The following SUSD4 variants were observed in gnomAD, a reference collection of about 807,000 sequenced individuals.
SUSD4 encodes the protein sushi domain-containing protein 4.
Under a neutral mutation model 50.5 loss-of-function variants are expected in SUSD4, and 41 were observed. The ratio of observed to expected loss-of-function variants is 0.81; its 90% confidence interval spans 0.63 to 1.05. The LOEUF is 1.05. Ranked by LOEUF, SUSD4 falls within the 50% of genes least tolerant of loss-of-function variation. The pLI, the probability that SUSD4 is intolerant of heterozygous loss-of-function variation, is 0.00. For missense variants in SUSD4, 580 were observed against 634.7 expected (o/e 0.91, Z 0.93); for synonymous variants, 257 against 257.3 (o/e 1.00, Z 0.01).
Position 223,222,133 on chromosome 1 carries a change from C to T in SUSD4, c.*59G>A. The T allele has an allele frequency of 6.3e-7, 1 of 1,584,796 alleles. No individual in the cohort carries two copies. The highest frequency in any genetic ancestry group is 8.6e-7 in the Non-Finnish European group (1 of 1,161,448). On this transcript the variant is annotated 3_prime_UTR_variant, in exon 9 of 9. Transcript: ENST00000366878. ...GGCTCTATCCTTCTGTGACCTCACT[C>T]CAAGATACAAGGTCCTTTCCCCGAA...
intron 5 of SUSD4, 26 bp downstream of exon 5, chr1:223,264,604 A>G (rs1458040985): frequency 1.9e-6 from 3 of 1,611,458 alleles, no homozygotes; most frequent in Non-Finnish European, 2.5e-6. Flanking sequence ...ACAAAATACA[A>G]CTTCCGAAAG....
At chr1:223,289,421 G>A (rs1664342031) in intron 3 of SUSD4, 1 of 484,204 alleles carries the variant, frequency 2.1e-6, no homozygotes. Flanking sequence ...CATGTGAAAA[G>A]GGGGAATGGC....
intron 6 of SUSD4, among the ~76,000 whole-genome samples, chr1:223,228,209 C>T (rs1165729127): frequency 3.9e-5 from 6 of 152,214 alleles, no homozygotes; most frequent in Non-Finnish European, 2.9e-5. Context: ...TCATGCCCTA[C>T]CACCTCTAGC....
In SUSD4 at chr1:223,363,720, T is replaced by C. The variant is rs932375283; in HGVS notation, c.-35-260A>G. 4.2e-5 allele frequency: 14 copies of C among 331,118 alleles called. No homozygotes were observed. In the Admixed American group the frequency reaches 5.8e-4, roughly 14 times the overall value. The allele number at this position is 331,118 out of a possible 1,614,324, so 20.5% of individuals were successfully genotyped here. A position where few individuals can be genotyped will look rare whatever the true frequency, so the allele number is the denominator to read the frequency against. ...AGGGAGGGCAGGGGTTAGCGCACAT[T>C]GGCTCCGCGCCGGTCCCCGGGATTC... is the stretch of plus-strand genomic sequence containing the variant. On this transcript the variant is annotated intron_variant, in intron 1 of 8. Transcript: ENST00000366878.
At chr1:223,358,821 G>A (rs1201824241) in intron 2 of SUSD4, 2 of 221,908 alleles carry the variant, frequency 9.0e-6, no homozygotes, top group Non-Finnish European at 1.9e-5. Context: ...AGAGTTAGAG[G>A]AGCTGGGACT....
chr1:223,258,348 C>G (rs1179156354), intron 5 of SUSD4, among the ~76,000 whole-genome samples: 2 of 152,176 alleles, frequency 1.3e-5, no homozygotes, highest in Non-Finnish European at 2.9e-5. Context: ...AAACAAGGTT[C>G]TTCAGTTTCT....
Position 223,227,989 on chromosome 1 carries a change from G to C in SUSD4, c.917-251C>G, listed in dbSNP as rs1380105819. ...TGCAGACCTGCATGCTCACATTCCA[G>C]TCCCAGGCGCAGGCCTGGCACAGGC... On this transcript the variant is annotated intron_variant, in intron 6 of 8. Transcript: ENST00000366878. This position sits in a 1 kb window ranked among gnomAD's most constrained non-coding sequence, Gnocchi z 4.5. Among the ~76,000 whole-genome samples the C allele has an allele frequency of 6.6e-6, 1 of 152,198 alleles. No individual in the cohort carries two copies. Among genetic ancestry groups the C allele is most frequent in the Non-Finnish European group, 1.5e-5 (1 of 68,034 alleles).
At chr1:223,247,270 G>C (rs1376842472) in intron 5 of SUSD4, among the ~76,000 whole-genome samples, 1 of 152,160 alleles carries the variant, frequency 6.6e-6, no homozygotes, top group Admixed American at 6.5e-5. Flanking sequence ...CTAGCCAATG[G>C]AATATGAAGA....
chr1:223,333,552 A>C (rs926391302), intron 2 of SUSD4, among the ~76,000 whole-genome samples: 2 of 152,216 alleles, frequency 1.3e-5, no homozygotes, highest in African/African-American at 2.4e-5. Context: ...AACAACACAA[A>C]AAGTAGGAGA....
chr1:223,242,741 G>A (rs995896911), intron 5 of SUSD4, among the ~76,000 whole-genome samples: 4 of 152,242 alleles, frequency 2.6e-5, no homozygotes, highest in Non-Finnish European at 4.4e-5. Context: ...GAGCTGTTGT[G>A]AGGGCTGTAT....
intron 5 of SUSD4, among the ~76,000 whole-genome samples, chr1:223,261,168 C>T (rs1445702792): frequency 6.6e-6 from 1 of 152,150 alleles, no homozygotes; most frequent in Non-Finnish European, 1.5e-5. Context: ...CTTGCGGCCA[C>T]CCAGCGGGCA....
At chr1:223,344,433 G>T (rs1375169118) in intron 2 of SUSD4, among the ~76,000 whole-genome samples, 1 of 152,078 alleles carries the variant, frequency 6.6e-6, no homozygotes, top group Non-Finnish European at 1.5e-5. Context: ...AGGCTGTGCT[G>T]ATGTTGCACT....
chr1:223,341,500 G>T (rs1161749681), intron 2 of SUSD4, among the ~76,000 whole-genome samples: 1 of 151,618 alleles, frequency 6.6e-6, no homozygotes, highest in Non-Finnish European at 1.5e-5. Context: ...AGCTGTGAAG[G>T]CTGAGTGGGA....
chr1:223,302,835 T>C (rs1665279218), intron 2 of SUSD4, among the ~76,000 whole-genome samples: 1 of 152,050 alleles, frequency 6.6e-6, no homozygotes, highest in East Asian at 1.9e-4. Context: ...GCACTAGAAA[T>C]AGCAGGAGAT....
intron 5 of SUSD4, among the ~76,000 whole-genome samples, chr1:223,230,976 T>C (rs1659857044): frequency 6.6e-6 from 1 of 152,052 alleles, no homozygotes; most frequent in South Asian, 2.1e-4. Context: ...AGAGATGGAA[T>C]TTAACGAGGT....
intron 2 of SUSD4, among the ~76,000 whole-genome samples, chr1:223,300,723 G>T (rs1360276326): frequency 6.6e-6 from 1 of 152,078 alleles, no homozygotes; most frequent in Non-Finnish European, 1.5e-5. Context: ...AGTGAAAAAG[G>T]GCATCCCTGT....
intron 2 of SUSD4, among the ~76,000 whole-genome samples, chr1:223,321,937 T>C (rs1666596396): frequency 6.6e-6 from 1 of 152,204 alleles, no homozygotes; most frequent in Non-Finnish European, 1.5e-5. Context: ...TGTTTCAGAC[T>C]TCAAATGTTT....
At chr1:223,285,924 CA>C (rs1333180792) in intron 3 of SUSD4, among the ~76,000 whole-genome samples, 1 of 152,048 alleles carries the variant, frequency 6.6e-6, no homozygotes, top group African/African-American at 2.4e-5. Context: ...ATCTGTATAC[CA>C]AACCTCCAAG....
chr1:223,292,231 G>C (rs1177003150), intron 3 of SUSD4, among the ~76,000 whole-genome samples: 2 of 152,156 alleles, frequency 1.3e-5, no homozygotes, highest in Non-Finnish European at 2.9e-5. Context: ...TTGAGACAGA[G>C]AAAAAAGACT....
Sources: gnomAD v4.1 joint callset for allele counts (sites outside exome capture counted in the v4.1 genomes callset) on GRCh38, gnomAD v4.1.1 for gene constraint, Gnocchi (gnomAD v3.1) non-coding constraint, MANE v1.5 for transcripts, NCBI Gene and HGNC (gene_info 2026-07-23, HGNC 2026-07-21) for gene names.